The following SLC24A2 variants were observed in gnomAD, a reference collection of about 807,000 sequenced individuals.
SLC24A2 encodes the protein sodium/potassium/calcium exchanger 2.
In SLC24A2, 36 loss-of-function variants were observed where a neutral mutation model predicts 62.0. The observed-to-expected ratio is 0.58, with a 90% confidence interval of 0.44 to 0.77. SLC24A2 has a LOEUF of 0.77. SLC24A2 is among the 30% of genes least tolerant of loss of function. SLC24A2 has a pLI of 0.00. For missense variants in SLC24A2, 846 were observed against 817.9 expected, an observed-to-expected ratio of 1.03 and a Z score of -0.42; for synonymous variants, 358 against 294.0, an observed-to-expected ratio of 1.22 and a Z score of -2.23.
In SLC24A2 at chr9:19,516,110, G is replaced by A. The variant is rs971750980; in HGVS notation, c.*43C>T. Reference sequence around the variant, plus strand: ...CAAGGAGCCCAGAGCCCAGAGTGTGGAGGGACCATTCATGCTGCTGGTGCA... The same window carrying A: ...CAAGGAGCCCAGAGCCCAGAGTGTGAAGGGACCATTCATGCTGCTGGTGCA... On this transcript the variant is annotated 3_prime_UTR_variant, in exon 11 of 11. Transcript: ENST00000341998. The A allele has an allele frequency of 6.2e-7, 1 of 1,613,048 alleles. No individual in the cohort carries two copies. The highest frequency in any genetic ancestry group is 8.5e-7 in the Non-Finnish European group (1 of 1,179,410).
chr9:20,283,813 G>A, the SLC24A2 span, among the ~76,000 whole-genome samples: 142 of 151,926 alleles, frequency 9.3e-4, 1 homozygote, highest in African/African-American at 3.4e-3. Flanking sequence ...TCCCACGAAA[G>A]GTGTAGGATT....
At chr9:19,772,760 C>G (rs976568536) in intron 2 of SLC24A2, among the ~76,000 whole-genome samples, 1 of 152,082 alleles carries the variant, frequency 6.6e-6, no homozygotes, top group Non-Finnish European at 1.5e-5. Flanking sequence ...GCAAAATGGT[C>G]CAGGGGCTTT....
intron 2 of SLC24A2, among the ~76,000 whole-genome samples, chr9:19,768,954 T>C (rs778167402): frequency 6.6e-6 from 1 of 152,196 alleles, no homozygotes; most frequent in Non-Finnish European, 1.5e-5. Context: ...CATTCATTCC[T>C]GGGTGATTTT....
In SLC24A2 at chr9:19,631,095, C is replaced by T. The variant is rs540517405; in HGVS notation, c.931-8796G>A. ...TCTCTCTTTTTCACTATTGAGCACC[C>T]TTCTGAGGGCAGAGACCATGTCTAT... On this transcript the variant is annotated intron_variant, in intron 2 of 10. Transcript: ENST00000341998. Among the ~76,000 whole-genome samples the T allele has an allele frequency of 2.0e-5, 3 of 152,296 alleles. No homozygotes were observed. The South Asian group carries it at 6.2e-4, about 32-fold the overall frequency.
intron 2 of SLC24A2, among the ~76,000 whole-genome samples, chr9:19,664,953 G>T (rs1202259430): frequency 6.6e-6 from 1 of 152,156 alleles, no homozygotes; most frequent in African/African-American, 2.4e-5. Context: ...GTTCTAAACT[G>T]CCCGTTTGTG....
the SLC24A2 span, among the ~76,000 whole-genome samples, chr9:19,969,440 C>A: frequency 4.9e-3 from 751 of 152,216 alleles, 10 homozygotes; most frequent in African/African-American, 0.017. Flanking sequence ...CAATAAAGCA[C>A]AAAAAAATTC....
the SLC24A2 span, among the ~76,000 whole-genome samples, chr9:19,898,497 C>T: frequency 6.6e-5 from 10 of 152,144 alleles, no homozygotes; most frequent in Non-Finnish European, 1.3e-4. Context: ...AATTCCAGCA[C>T]TTTGGGAGGC....
chr9:19,693,448 A>G (rs1359864019), intron 2 of SLC24A2, among the ~76,000 whole-genome samples: 1 of 152,170 alleles, frequency 6.6e-6, no homozygotes, highest in Non-Finnish European at 1.5e-5. Context: ...TTGCTACAGG[A>G]AGTAATGATT....
the SLC24A2 span, among the ~76,000 whole-genome samples, chr9:20,069,993 C>T: frequency 1.5e-3 from 229 of 152,266 alleles, 1 homozygote; most frequent in African/African-American, 5.5e-3. Flanking sequence ...CCTTATTATG[C>T]CACCGTCTTC....
At chr9:20,084,037 G>C in the SLC24A2 span, among the ~76,000 whole-genome samples, 1 of 152,216 alleles carries the variant, frequency 6.6e-6, no homozygotes, top group South Asian at 2.1e-4. Flanking sequence ...GAGCTTGCTT[G>C]CTTGCCTCCA....
the SLC24A2 span, among the ~76,000 whole-genome samples, chr9:19,939,797 G>A: frequency 6.6e-6 from 1 of 152,184 alleles, no homozygotes; most frequent in Non-Finnish European, 1.5e-5. Context: ...TGCAGCACGT[G>A]ACTATAATGC....
chr9:20,183,770 G>C, the SLC24A2 span, among the ~76,000 whole-genome samples: 1 of 152,202 alleles, frequency 6.6e-6, no homozygotes, highest in Admixed American at 6.5e-5. Context: ...TTGAGAGCTA[G>C]AGGTAGGCCT....
chr9:20,112,678 T>G, the SLC24A2 span, among the ~76,000 whole-genome samples: 1 of 152,016 alleles, frequency 6.6e-6, no homozygotes, highest in Non-Finnish European at 1.5e-5. Flanking sequence ...TTCTGTAGGG[T>G]CTGTGTCAGC....
At chr9:19,559,503 A>C (rs578159891) in intron 7 of SLC24A2, among the ~76,000 whole-genome samples, 1 of 152,336 alleles carries the variant, frequency 6.6e-6, no homozygotes. Context: ...AGCAGGGGGC[A>C]AGACTCATAA....
At chr9:19,521,107 A>G in intron 9 of SLC24A2, 47 bp from the exon 10 acceptor site, 1 of 1,585,506 alleles carries the variant, frequency 6.3e-7, no homozygotes, top group South Asian at 1.1e-5. Flanking sequence ...GAAGTTACAA[A>G]ATCATAAAAA....
intron 7 of SLC24A2, among the ~76,000 whole-genome samples, chr9:19,562,862 T>C (rs752763903): frequency 3.9e-5 from 6 of 152,188 alleles, no homozygotes; most frequent in Non-Finnish European, 7.4e-5. Context: ...CCCAGCACTT[T>C]TGGAGCTCTG....
At chr9:19,975,265 C>CT in the SLC24A2 span, among the ~76,000 whole-genome samples, 1 of 152,166 alleles carries the variant, frequency 6.6e-6, no homozygotes, top group Non-Finnish European at 1.5e-5. Flanking sequence ...TTAACACTCC[C>CT]TAGACATACT....
chr9:19,531,606 T>G (rs1056708361), intron 8 of SLC24A2, among the ~76,000 whole-genome samples: 1 of 152,058 alleles, frequency 6.6e-6, no homozygotes, highest in African/African-American at 2.4e-5. Context: ...TTGTACAAAT[T>G]AGCTATATCC....
At chr9:19,844,633 G>T in the SLC24A2 span, among the ~76,000 whole-genome samples, 4 of 151,890 alleles carry the variant, frequency 2.6e-5, no homozygotes, top group South Asian at 8.3e-4. Flanking sequence ...TTTTCTTCTG[G>T]GATTCTTATA....
Sources: gnomAD v4.1 joint callset for allele counts (sites outside exome capture counted in the v4.1 genomes callset) on GRCh38, gnomAD v4.1.1 for gene constraint, MANE v1.5 for transcripts, NCBI Gene and HGNC (gene_info 2026-07-23, HGNC 2026-07-21) for gene names.